ELL: variants seen among roughly 807,000 people sequenced by gnomAD.
ELL encodes the protein elongation factor for RNA polymerase II.
A neutral mutation model predicts 64.0 loss-of-function variants in ELL; 18 were observed. The ratio of observed to expected loss-of-function variants is 0.28; its 90% CI spans 0.19 to 0.42. The LOEUF (loss-of-function observed/expected upper bound fraction) is 0.42, where lower values mean the gene tolerates loss of function less well. Ranked by LOEUF, ELL falls within the 10% of genes least tolerant of loss-of-function variation. The pLI, the probability that ELL is intolerant of heterozygous loss-of-function variation, is 1.00. For synonymous variants in ELL, 399 were observed against 376.2 expected, an observed-to-expected ratio of 1.06 and a Z score of -0.70; for missense variants, 797 against 870.4, an observed-to-expected ratio of 0.92 and a Z score of 1.06.
intron 1 of ELL, among the ~76,000 whole-genome samples, chr19:18,518,489 C>CAAAAA (rs34535243): frequency 9.0e-6 from 1 of 110,628 alleles, no homozygotes; most frequent in African/African-American, 3.3e-5. Context: ...AACCCTGTCT[C>CAAAAA]AAAAAAAAAA....
chr19:18,484,547 G>A (rs1216695128), intron 1 of ELL, among the ~76,000 whole-genome samples: 1 of 152,146 alleles, frequency 6.6e-6, no homozygotes, highest in Non-Finnish European at 1.5e-5. Flanking sequence ...TGCTGAGGCA[G>A]AAGGATCACC....
At chr19:18,491,249 ATTTTTTTTTTTT>A (rs565016319) in intron 1 of ELL, among the ~76,000 whole-genome samples, 22 of 72,464 alleles carry the variant, frequency 3.0e-4, no homozygotes, top group Non-Finnish European at 5.8e-4. Context: ...CACCTGGCTA[ATTTTTTTTTTTT>A]TTTTTTTTTT....
In ELL at chr19:18,450,870, C is replaced by G; in HGVS notation, c.1072G>C (p.Val358Leu). Residue 358 changes from valine (V) to leucine (L), a missense_variant, in exon 8 of 12, where the codon GTG becomes CTG. Transcript: ENST00000262809. Reference protein sequence around the residue: ...AQPAVNGKLGVPNGREALLPT... With the variant: ...AQPAVNGKLGLPNGREALLPT... ...AGCAAGGCCTCACGGCCATTGGGCA[C>G]GCCCAGCTTCCCGTTGACGGCAGGC... 1 of 1,583,272 alleles carries G rather than the reference C, an allele frequency of 6.3e-7. No individual in the cohort carries two copies. Among genetic ancestry groups the G allele is most frequent in the Non-Finnish European group, 8.6e-7 (1 of 1,163,542 alleles).
At chr19:18,505,386 G>A (rs906897934) in intron 1 of ELL, among the ~76,000 whole-genome samples, 10 of 152,192 alleles carry the variant, frequency 6.6e-5, no homozygotes, top group Admixed American at 2.6e-4. Context: ...AAGGGCACCC[G>A]GCAATAAGCC....
At position 18,449,136 on chromosome 19, in the gene ELL, C is replaced by T. The variant is rs933401290; in HGVS notation, c.1465+1341G>A. Among the ~76,000 whole-genome samples, 7 of 152,088 alleles carry T rather than the reference C, an allele frequency of 4.6e-5. No individual in the cohort carries two copies. Among genetic ancestry groups the T allele is most frequent in the South Asian group, 2.1e-4 (1 of 4,820 alleles). On this transcript the variant is annotated intron_variant, in intron 8 of 11. Transcript: ENST00000262809. This position sits in a 1 kb window ranked among gnomAD's most constrained non-coding sequence, Gnocchi z 4.4. ...GGGATGAACTGCCTAGGGGCCAACA[C>T]GCACCAGGCCAGACAGGAAACCACC...
At position 18,517,515 on chromosome 19, in the gene ELL, T is replaced by C. The variant is rs565677065; in HGVS notation, c.135+4406A>G. Among the ~76,000 whole-genome samples the C allele has an allele frequency of 3.3e-5, 5 of 151,886 alleles. No homozygotes were observed. The East Asian group carries it at 7.8e-4, about 24-fold the overall frequency. On this transcript the variant is annotated intron_variant, in intron 1 of 11. Coordinates refer to ENST00000262809, the MANE Select transcript of ELL (RefSeq NM_006532.4). The stretch of plus-strand genomic sequence containing the variant: ...ATCCTCCCACCTCAGCCTCCCAAAG[T>C]GCTGGGATTACAGGTGTGAGCCACC...
At chr19:18,448,086 A>T (rs62122440) in intron 8 of ELL, among the ~76,000 whole-genome samples, 1 of 150,210 alleles carries the variant, frequency 6.7e-6, no homozygotes, top group Non-Finnish European at 1.5e-5. Context: ...ACACCTGGCG[A>T]ATTTTTTTTT....
chr19:18,485,513 C>T (rs1296492635), intron 1 of ELL, among the ~76,000 whole-genome samples: 1 of 152,182 alleles, frequency 6.6e-6, no homozygotes, highest in Non-Finnish European at 1.5e-5. Flanking sequence ...TATGGGAGCC[C>T]ATCTCCTCCC....
At chr19:18,475,374 G>A (rs1975155120) in intron 1 of ELL, among the ~76,000 whole-genome samples, 1 of 152,222 alleles carries the variant, frequency 6.6e-6, no homozygotes, top group Admixed American at 6.5e-5. Flanking sequence ...GTGTTGGCGA[G>A]GACCCAGAAC....
intron 2 of ELL, among the ~76,000 whole-genome samples, chr19:18,469,641 A>G (rs1975020832): frequency 6.6e-6 from 1 of 152,176 alleles, no homozygotes. Flanking sequence ...AGGAGTTGCC[A>G]TAAACCTAAG....
At position 18,443,162 on chromosome 19, in the gene ELL, C is replaced by G. The variant is rs1007425844; in HGVS notation, c.*1590G>C. On this transcript the variant is annotated 3_prime_UTR_variant, in exon 12 of 12. Coordinates refer to ENST00000262809, the MANE Select transcript of ELL (RefSeq NM_006532.4). Reference sequence around the variant, plus strand: ...GCGACACAGCAAGGTCCAGCTGACTCTGGAGGCCTCCTGGAGCCTGCTCGG... The same window carrying G: ...GCGACACAGCAAGGTCCAGCTGACTGTGGAGGCCTCCTGGAGCCTGCTCGG... 6 of 232,486 alleles carry G rather than the reference C, an allele frequency of 2.6e-5. No homozygotes were observed. In the East Asian group the frequency reaches 3.0e-4, roughly 12 times the overall value. The allele number at this position is 232,486 out of a possible 1,614,324, so 14.4% of individuals were successfully genotyped here. A position where few individuals can be genotyped will look rare whatever the true frequency, so the allele number is the denominator to read the frequency against.
In ELL at chr19:18,446,806, C is replaced by T. The variant is rs775524433; in HGVS notation, c.1474G>A (p.Gly492Arg). The T allele has an allele frequency of 9.3e-6, 15 of 1,614,090 alleles. No individual in the cohort carries two copies. Among genetic ancestry groups the T allele is most frequent in the South Asian group, 3.3e-5 (3 of 91,084 alleles). The change falls in exon 9 of 12, where the codon GGA becomes AGA. Residue 492 changes from glycine to arginine, a missense_variant. Transcript: ENST00000262809. Reference protein sequence around the residue: ...GAPADTPGLNGTCSVSSVPTS... With the variant: ...GAPADTPGLNRTCSVSSVPTS... The stretch of plus-strand genomic sequence containing the variant: ...GGAACACTGGAAACGCTGCAGGTTC[C>T]GTTTAAACCTACGAGAGCAAACACA...
chr19:18,491,019 AC>A (rs1264399245), intron 1 of ELL, among the ~76,000 whole-genome samples: 1 of 152,182 alleles, frequency 6.6e-6, no homozygotes, highest in Non-Finnish European at 1.5e-5. Context: ...GTTTGGCCAA[AC>A]AACAGTCTAG....
At chr19:18,467,735 C>T (rs1469852718) in intron 2 of ELL, among the ~76,000 whole-genome samples, 1 of 136,916 alleles carries the variant, frequency 7.3e-6, no homozygotes, top group African/African-American at 2.8e-5. Flanking sequence ...ACAATCCCCA[C>T]ACACACACAA....
intron 5 of ELL, among the ~76,000 whole-genome samples, chr19:18,461,292 G>A (rs537375755): frequency 6.6e-6 from 1 of 152,324 alleles, no homozygotes; most frequent in East Asian, 1.9e-4. Context: ...CAGGCCCCAC[G>A]GCCCGTGTGT....
At chr19:18,500,418 T>A in intron 1 of ELL, among the ~76,000 whole-genome samples, 1 of 152,232 alleles carries the variant, frequency 6.6e-6, no homozygotes, top group South Asian at 2.1e-4. Context: ...GAGGTCCACT[T>A]CTCCTACCAC....
chr19:18,445,116 TC>T, intron 11 of ELL, 107 bp downstream of exon 11: 3 of 1,483,016 alleles, frequency 2.0e-6, no homozygotes, highest in South Asian at 2.3e-5. Flanking sequence ...CAAAGGCTCT[TC>T]CCCCACACCT....
chr19:18,461,382 C>T (rs954503474), intron 5 of ELL, among the ~76,000 whole-genome samples, 196 bp downstream of exon 5: 5 of 152,330 alleles, frequency 3.3e-5, no homozygotes, highest in South Asian at 2.1e-4. Context: ...TGCCCAGAAA[C>T]GCATCCATGG....
At chr19:18,483,691 A>C (rs547377462) in intron 1 of ELL, among the ~76,000 whole-genome samples, 1 of 152,282 alleles carries the variant, frequency 6.6e-6, no homozygotes, top group South Asian at 2.1e-4. Flanking sequence ...TTCACAACTT[A>C]TCCAACCTCA....
Sources: allele counts gnomAD v4.1 joint callset (sites outside exome capture counted in the v4.1 genomes callset), GRCh38; gene constraint gnomAD v4.1.1; non-coding constraint Gnocchi (gnomAD v3.1); transcripts MANE v1.5; gene names NCBI Gene and HGNC (gene_info 2026-07-23, HGNC 2026-07-21).